PLVAP: variants seen among roughly 807,000 people sequenced by gnomAD.
PLVAP encodes the protein plasmalemma vesicle-associated protein.
In PLVAP, 34 loss-of-function variants were observed where a neutral mutation model predicts 43.1. That is an observed-to-expected ratio of 0.79 (90% CI 0.60 to 1.05). The LOEUF (loss-of-function observed/expected upper bound fraction) is 1.05. Ranked by LOEUF, PLVAP falls within the 50% of genes least tolerant of loss-of-function variation. The pLI is 0.00. For missense variants in PLVAP, 574 were observed against 593.4 expected, an observed-to-expected ratio of 0.97 and a Z score of 0.34; for synonymous variants, 241 against 237.3, an observed-to-expected ratio of 1.02 and a Z score of -0.14.
At chr19:17,357,589 A>C (rs12459439) in intron 5 of PLVAP, among the ~76,000 whole-genome samples, 32,050 of 152,004 alleles carry the variant, frequency 0.21, 3,901 homozygotes, top group East Asian at 0.35. Flanking sequence ...GTTTGAGCCC[A>C]GGAGTTCGAG....
chr19:17,359,693 C>CATTTTT (rs751070337), intron 5 of PLVAP, among the ~76,000 whole-genome samples: 1 of 116,138 alleles, frequency 8.6e-6, no homozygotes, highest in Non-Finnish European at 1.7e-5. Context: ...TACCCGGCCT[C>CATTTTT]TTTTTTTTTT....
In PLVAP at chr19:17,366,102, C is replaced by G; in HGVS notation, c.463G>C (p.Asp155His). 1 of 1,614,102 alleles carries G rather than the reference C, an allele frequency of 6.2e-7. No homozygotes were observed. The highest frequency in any genetic ancestry group is 8.5e-7 in the Non-Finnish European group (1 of 1,180,014). Residue 155 changes from aspartate (D) to histidine (H), a missense_variant, in exon 2 of 6, where the codon GAT becomes CAT. By Grantham distance (81) the Asp-to-His change is moderately conservative (BLOSUM62 -1). Transcript: ENST00000252590. ...TCCCTGCAGCCTTAGCACTCACCAT[C>G]GCAGCTCTTGTTCATGTCCTTGAAT... ...DQFKDMNKSCDALLFMLNQKV... is the reference protein window; with the variant it reads ...DQFKDMNKSCHALLFMLNQKV...
intron 5 of PLVAP, among the ~76,000 whole-genome samples, chr19:17,357,593 G>A (rs866496796): frequency 6.6e-6 from 1 of 152,186 alleles, no homozygotes; most frequent in Non-Finnish European, 1.5e-5. Context: ...GAGCCCAGGA[G>A]TTCGAGGCTG....
chr19:17,375,713 C>G (rs111555996), intron 1 of PLVAP, among the ~76,000 whole-genome samples: 7,771 of 152,108 alleles, frequency 0.051, 285 homozygotes, highest in Non-Finnish European at 0.082. Flanking sequence ...GAAACCCCGT[C>G]TCTACTAAAA....
rs562456086 is a variant in PLVAP, at chr19:17,369,764, G to T, written c.370-3569C>A. 3.3e-5 allele frequency among the ~76,000 whole-genome samples: 5 copies of T among 151,598 alleles called. No individual in the cohort carries two copies. The South Asian group carries it at 1.0e-3, about 32-fold the overall frequency. ...ACCTATAATCCCAGCACTTTGGGAG[G>T]CCAAGACAGGTGGATCACCTGAGGT... is the stretch of plus-strand genomic sequence containing the variant. On this transcript the variant is annotated intron_variant, in intron 1 of 5. Coordinates refer to ENST00000252590, the MANE Select transcript of PLVAP (RefSeq NM_031310.3).
Position 17,365,849 on chromosome 19 carries a change from G to T in PLVAP, c.616C>A (p.Leu206Met). The T allele has an allele frequency of 6.2e-7, 1 of 1,614,126 alleles. No homozygotes were observed. Among genetic ancestry groups the T allele is most frequent in the Non-Finnish European group, 8.5e-7 (1 of 1,180,028 alleles). Residue 206 changes from leucine to methionine, a missense_variant, in exon 3 of 6, where the codon CTG (leucine) becomes ATG (methionine). Leu to Met is a conservative substitution (Grantham distance 15). Transcript: ENST00000252590. ...GCCAGCTGGCGCTCTTGGTGCTGCA[G>T]CTCCCGGGTTTTCACGCATTCAACC... ...QLVECVKTRE[L>M]QHQERQLAKE...
chr19:17,377,174 T>C lies in PLVAP; in HGVS notation c.115A>G (p.Ile39Val). Residue 39 changes from isoleucine to valine, a missense_variant, in exon 1 of 6, where the codon ATC (isoleucine) becomes GTC (valine). Transcript: ENST00000252590. The part of the protein sequence containing the change: ...FLFVSLIQFL[I>V]ILGLVLFMVY... ...ATGAAGAGCACGAGCCCCAGGATGA[T>C]GAGGAATTGGATGAGGGAGACGAAG... is the stretch of plus-strand genomic sequence containing the variant. 1 of 1,613,730 alleles carries C rather than the reference T, an allele frequency of 6.2e-7. No individual in the cohort carries two copies. Among genetic ancestry groups the C allele is most frequent in the East Asian group, 2.2e-5 (1 of 44,848 alleles).
At chr19:17,353,035 G>A (rs2074492511) in intron 5 of PLVAP, among the ~76,000 whole-genome samples, 1 of 152,196 alleles carries the variant, frequency 6.6e-6, no homozygotes, top group Non-Finnish European at 1.5e-5. Flanking sequence ...TATCTGGGAT[G>A]CCCTCCCCCT....
At chr19:17,376,801 A>G in intron 1 of PLVAP, 119 bp downstream of exon 1, 2 of 1,052,298 alleles carry the variant, frequency 1.9e-6, no homozygotes, top group East Asian at 2.6e-5. Flanking sequence ...CTGTCTCATA[A>G]GAAAAGAGAG....
intron 5 of PLVAP, among the ~76,000 whole-genome samples, chr19:17,359,496 C>G (rs1437028048): frequency 6.6e-6 from 1 of 151,860 alleles, no homozygotes; most frequent in South Asian, 2.1e-4. Flanking sequence ...ACCTCTGCCT[C>G]CCGGGTTCAA....
At chr19:17,359,600 T>C (rs1019619853) in intron 5 of PLVAP, among the ~76,000 whole-genome samples, 1 of 151,832 alleles carries the variant, frequency 6.6e-6, no homozygotes, top group Non-Finnish European at 1.5e-5. Context: ...GAGATGGGGT[T>C]TCACCATGTT....
intron 5 of PLVAP, among the ~76,000 whole-genome samples, chr19:17,358,214 A>G (rs2074513737): frequency 6.6e-6 from 1 of 150,404 alleles, no homozygotes; most frequent in Non-Finnish European, 1.5e-5. Flanking sequence ...AAAGGGGTTG[A>G]GAGACAGCTT....
chr19:17,376,281 G>T (rs1008873079), intron 1 of PLVAP, among the ~76,000 whole-genome samples: 2 of 152,180 alleles, frequency 1.3e-5, no homozygotes, highest in African/African-American at 2.4e-5. Context: ...CTTGAGCCCA[G>T]GAGTTCGAGA....
Position 17,365,388 on chromosome 19 carries a change from G to T in PLVAP, c.1077C>A (p.Asp359Glu), listed in dbSNP as rs772418879. 9 of 1,613,274 alleles carry T rather than the reference G, an allele frequency of 5.6e-6. No individual in the cohort carries two copies. In the African/African-American group the frequency reaches 1.2e-4, roughly 22 times the overall value. ...EEKAVLRKERDNLAKELEEKK... is the reference protein window; with the variant it reads ...EEKAVLRKERENLAKELEEKK... ...TCTCTTCCAGCTCCTTGGCCAGGTT[G>T]TCTCGTTCCTTCCGCAGCACCGCCT... Residue 359 changes from aspartate (D) to glutamate (E), a missense_variant, in exon 3 of 6, where the codon GAC becomes GAA. Coordinates refer to ENST00000252590, the MANE Select transcript of PLVAP (RefSeq NM_031310.3).
intron 1 of PLVAP, among the ~76,000 whole-genome samples, chr19:17,374,187 C>A (rs573956742): frequency 6.6e-6 from 1 of 151,984 alleles, no homozygotes; most frequent in East Asian, 1.9e-4. Context: ...AACAAAACAG[C>A]CGGGAACGGT....
Position 17,352,295 on chromosome 19 carries a change from C to T in PLVAP, c.*67G>A, listed in dbSNP as rs892575503. Reference sequence around the variant, plus strand: ...AGGGGGTTGTGTCGGGCGCTGTGAGCATATCCCTGCATCCTCCGCAAACCG... The same window carrying T: ...AGGGGGTTGTGTCGGGCGCTGTGAGTATATCCCTGCATCCTCCGCAAACCG... On this transcript the variant is annotated 3_prime_UTR_variant, in exon 6 of 6. Coordinates refer to ENST00000252590, the MANE Select transcript of PLVAP (RefSeq NM_031310.3). 1 of 1,599,400 alleles carries T rather than the reference C, an allele frequency of 6.3e-7. No homozygotes were observed. The highest frequency in any genetic ancestry group is 1.1e-5 in the South Asian group (1 of 90,816).
At chr19:17,354,381 G>C (rs73513968) in intron 5 of PLVAP, among the ~76,000 whole-genome samples, 1 of 151,878 alleles carries the variant, frequency 6.6e-6, no homozygotes. Flanking sequence ...CGGATCACCT[G>C]AGGTCAGGAG....
In PLVAP at chr19:17,377,293, T is replaced by TCGATCC; in HGVS notation, c.-11_-6dup. 1 of 1,604,624 alleles carries TCGATCC rather than the reference T, an allele frequency of 6.2e-7. No homozygotes were observed. The highest frequency in any genetic ancestry group is 8.5e-7 in the Non-Finnish European group (1 of 1,174,510). Reference sequence around the variant, plus strand: ...GTGCTCCATGGCCAGACCCATTTGCTCGATCCCGCCGTCCGGTGCACCGTC... The same window carrying TCGATCC: ...GTGCTCCATGGCCAGACCCATTTGCTCGATCCCGATCCCGCCGTCCGGTGCACCGTC... On this transcript the variant is annotated 5_prime_UTR_variant, in exon 1 of 6. Coordinates refer to ENST00000252590, the MANE Select transcript of PLVAP (RefSeq NM_031310.3).
intron 1 of PLVAP, among the ~76,000 whole-genome samples, chr19:17,373,038 C>A (rs919314089): frequency 7.5e-6 from 1 of 133,580 alleles, no homozygotes; most frequent in Non-Finnish European, 1.6e-5. Flanking sequence ...TGCACCCCAG[C>A]CTTGGCGACA....
Sources: gnomAD v4.1 joint callset for allele counts (sites outside exome capture counted in the v4.1 genomes callset) on GRCh38, gnomAD v4.1.1 for gene constraint, MANE v1.5 for transcripts, NCBI Gene and HGNC (gene_info 2026-07-23, HGNC 2026-07-21) for gene names.